Variants in TMEM132D observed in about 807,000 individuals in gnomAD.
TMEM132D encodes transmembrane protein 132D, also known as mature OL transmembrane protein.
In TMEM132D, 21 loss-of-function variants were observed where a neutral mutation model predicts 62.3. That is an observed-to-expected ratio of 0.34 (90% CI 0.24 to 0.49). The LOEUF (loss-of-function observed/expected upper bound fraction) is 0.49. Among genes scored for constraint, TMEM132D ranks in the 20% least tolerant of loss-of-function variants. The pLI is 0.99. For missense variants in TMEM132D, 1,346 were observed against 1,402.8 expected (o/e 0.96, Z 0.65); for synonymous variants, 621 against 575.6 (o/e 1.08, Z -1.13).
chr12:129,645,477 T>C lies in TMEM132D; in HGVS notation c.968+54333A>G, dbSNP rs544618051. Among the ~76,000 whole-genome samples the C allele has an allele frequency of 6.3e-4, 96 of 152,340 alleles. 1 individual carries two copies. Among genetic ancestry groups the C allele is most frequent in the African/African-American group, 2.0e-3 (84 of 41,580 alleles). ...ATAACTTTGTATGCCTTTTCTCTTA[T>C]TGATCAGTCTGTCTTATGTCGGTGA... is the stretch of plus-strand genomic sequence containing the variant. On this transcript the variant is annotated intron_variant, in intron 2 of 8. Coordinates refer to ENST00000422113, the MANE Select transcript of TMEM132D (RefSeq NM_133448.3).
chr12:129,418,405 T>G (rs1380355528), intron 3 of TMEM132D, among the ~76,000 whole-genome samples: 21 of 152,204 alleles, frequency 1.4e-4, no homozygotes, highest in Non-Finnish European at 1.5e-5. Context: ...TTCATGTCCT[T>G]TGCAGAGACA....
chr12:129,251,317 C>A (rs1280763681), intron 4 of TMEM132D, among the ~76,000 whole-genome samples: 3 of 140,160 alleles, frequency 2.1e-5, no homozygotes, highest in Non-Finnish European at 4.5e-5. Context: ...CGAGATTGCA[C>A]CGCTAAACTC....
intron 1 of TMEM132D, among the ~76,000 whole-genome samples, chr12:129,891,329 G>A (rs372630854): frequency 2.0e-5 from 3 of 152,214 alleles, no homozygotes; most frequent in South Asian, 2.1e-4. Context: ...AACTCATCTC[G>A]GGGCAAAGGA....
intron 2 of TMEM132D, among the ~76,000 whole-genome samples, chr12:129,569,035 T>C (rs1012413506): frequency 6.6e-6 from 1 of 152,170 alleles, no homozygotes; most frequent in African/African-American, 2.4e-5. Flanking sequence ...ATCTAACAAA[T>C]GCTGCTGGTC....
chr12:129,273,064 C>G (rs1566018589), intron 4 of TMEM132D, among the ~76,000 whole-genome samples: 1 of 151,704 alleles, frequency 6.6e-6, no homozygotes, highest in African/African-American at 2.4e-5. Context: ...GGTGTGGTGG[C>G]ATATGCCTGT....
intron 2 of TMEM132D, among the ~76,000 whole-genome samples, chr12:129,686,885 C>A (rs1880935205): frequency 6.6e-6 from 1 of 152,208 alleles, no homozygotes; most frequent in South Asian, 2.1e-4. Flanking sequence ...TCTCAACTCC[C>A]AGAGGAATGA....
chr12:129,734,720 TTA>T (rs2137254727), intron 1 of TMEM132D, among the ~76,000 whole-genome samples: 1 of 152,274 alleles, frequency 6.6e-6, no homozygotes, highest in East Asian at 1.9e-4. Flanking sequence ...TAATTCCAGT[TTA>T]TATGATTGCT....
At chr12:129,901,875 A>AC (rs1875368237) in intron 1 of TMEM132D, among the ~76,000 whole-genome samples, 3 of 139,882 alleles carry the variant, frequency 2.1e-5, no homozygotes, top group Admixed American at 7.0e-5. Flanking sequence ...CCCCCGCCCC[A>AC]AAAAAAAAAT....
At chr12:129,411,940 G>C in intron 3 of TMEM132D, among the ~76,000 whole-genome samples, 1 of 151,992 alleles carries the variant, frequency 6.6e-6, no homozygotes, top group East Asian at 1.9e-4. Context: ...ATGTGAATAG[G>C]GTTGTTTAAT....
intron 1 of TMEM132D, among the ~76,000 whole-genome samples, chr12:129,890,115 G>T (rs1297137699): frequency 6.6e-6 from 1 of 152,162 alleles, no homozygotes; most frequent in East Asian, 1.9e-4. Flanking sequence ...CCAGTTCTAG[G>T]TCCCTTCTGG....
chr12:129,415,032 A>G lies in TMEM132D; in HGVS notation c.1116-77215T>C, dbSNP rs116131627. On this transcript the variant is annotated intron_variant, in intron 3 of 8. Coordinates refer to ENST00000422113, the MANE Select transcript of TMEM132D (RefSeq NM_133448.3). ...TTCATGCTGAATAAAATTCCATCAC[A>G]TGTGCACACTCCATTCCTTTATGCA... Among the ~76,000 whole-genome samples, 1,012 of 152,274 alleles carry G rather than the reference A, an allele frequency of 6.6e-3. 19 individuals carry two copies. The highest frequency in any genetic ancestry group is 0.023 in the African/African-American group (957 of 41,560).
chr12:129,361,029 C>T (rs1870233479), intron 3 of TMEM132D, among the ~76,000 whole-genome samples: 1 of 152,058 alleles, frequency 6.6e-6, no homozygotes, highest in Admixed American at 6.5e-5. Flanking sequence ...TGGGGTGCAC[C>T]GGGACACTTC....
chr12:129,648,046 G>A (rs951795415), intron 2 of TMEM132D, among the ~76,000 whole-genome samples: 5 of 152,102 alleles, frequency 3.3e-5, no homozygotes, highest in Admixed American at 6.6e-5. Flanking sequence ...AGACCAGACC[G>A]CTTTGTAAAA....
At chr12:129,716,220 G>A (rs1235471236) in intron 1 of TMEM132D, among the ~76,000 whole-genome samples, 1 of 152,060 alleles carries the variant, frequency 6.6e-6, no homozygotes, top group African/African-American at 2.4e-5. Context: ...GATGAAACTT[G>A]GACAGAAGGA....
At chr12:129,574,454 C>G (rs1877601643) in intron 2 of TMEM132D, among the ~76,000 whole-genome samples, 1 of 151,904 alleles carries the variant, frequency 6.6e-6, no homozygotes, top group Admixed American at 6.5e-5. Context: ...CAAAGGCATC[C>G]TATGCACTAG....
chr12:129,465,446 G>C (rs1873854752), intron 3 of TMEM132D, among the ~76,000 whole-genome samples: 1 of 152,096 alleles, frequency 6.6e-6, no homozygotes, highest in Non-Finnish European at 1.5e-5. Context: ...GTTCTGGCCA[G>C]GGCAATTAGG....
intron 1 of TMEM132D, among the ~76,000 whole-genome samples, chr12:129,824,693 T>C (rs753385010): frequency 2.6e-5 from 4 of 152,214 alleles, no homozygotes; most frequent in Non-Finnish European, 5.9e-5. Context: ...TGCAGGCACC[T>C]TGATCTGGGA....
chr12:129,303,800 G>A (rs1486628604), intron 4 of TMEM132D, among the ~76,000 whole-genome samples: 1 of 147,426 alleles, frequency 6.8e-6, no homozygotes, highest in Non-Finnish European at 1.5e-5. Flanking sequence ...TGATTTGGAA[G>A]CAGAAATCCT....
intron 4 of TMEM132D, among the ~76,000 whole-genome samples, chr12:129,238,714 C>T (rs1051359523): frequency 6.6e-6 from 1 of 152,176 alleles, no homozygotes; most frequent in Non-Finnish European, 1.5e-5. Flanking sequence ...ACATATTGCT[C>T]ATCCGTTCAT....
Sources: allele counts gnomAD v4.1 joint callset (sites outside exome capture counted in the v4.1 genomes callset), GRCh38; gene constraint gnomAD v4.1.1; transcripts MANE v1.5; gene names NCBI Gene and HGNC (gene_info 2026-07-23, HGNC 2026-07-21).